The following EPHA5 variants were observed in gnomAD, a reference collection of about 807,000 sequenced individuals.
EPHA5 encodes the protein ephrin type-A receptor 5.
Under a neutral mutation model 105.0 loss-of-function variants are expected in EPHA5, and 60 were observed. The observed-to-expected ratio is 0.57, with a 90% CI of 0.46 to 0.71. The LOEUF (loss-of-function observed/expected upper bound fraction) is 0.71. EPHA5 is among the 30% of genes least tolerant of loss of function. EPHA5 has a pLI of 0.00. For missense variants in EPHA5, 1,218 were observed against 1,274.7 expected, an observed-to-expected ratio of 0.96 and a Z score of 0.68; for synonymous variants, 513 against 449.1, an observed-to-expected ratio of 1.14 and a Z score of -1.80.
At chr4:65,504,985 A>G (rs144707078) in intron 3 of EPHA5, among the ~76,000 whole-genome samples, 12 of 152,192 alleles carry the variant, frequency 7.9e-5, no homozygotes, top group Admixed American at 2.0e-4. Context: ...AATGTGAATT[A>G]GTTAAGAAAT....
intron 3 of EPHA5, among the ~76,000 whole-genome samples, chr4:65,516,534 T>G (rs1475518885): frequency 6.6e-6 from 1 of 151,892 alleles, no homozygotes; most frequent in Non-Finnish European, 1.5e-5. Flanking sequence ...TGTCCAAGGG[T>G]CAACTCTGTG....
intron 2 of EPHA5, 56 bp from the exon 3 acceptor site, chr4:65,602,360 G>A (rs543226231): frequency 2.2e-6 from 3 of 1,358,742 alleles, no homozygotes; most frequent in South Asian, 3.2e-5. Context: ...AAATAACAAG[G>A]AACTATAGCA....
intron 1 of EPHA5, among the ~76,000 whole-genome samples, chr4:65,651,606 T>A (rs1416799656): frequency 6.6e-6 from 1 of 152,212 alleles, no homozygotes; most frequent in Non-Finnish European, 1.5e-5. Context: ...TGCTTAATTG[T>A]TTACTGCAAA....
Position 65,357,776 on chromosome 4 carries a change from A to G in EPHA5, c.2174-4673T>C, listed in dbSNP as rs151205691. 2.5e-3 allele frequency among the ~76,000 whole-genome samples: 381 copies of G among 151,496 alleles called. 2 individuals carry two copies. Among genetic ancestry groups the G allele is most frequent in the African/African-American group, 8.8e-3 (364 of 41,444 alleles). Reference sequence around the variant, plus strand: ...CAACAGTGTGTGTAGGGGTAATAATACTGTATTGTACACTTGAAAAAAAAT... The same window carrying G: ...CAACAGTGTGTGTAGGGGTAATAATGCTGTATTGTACACTTGAAAAAAAAT... On this transcript the variant is annotated intron_variant, in intron 11 of 16. Transcript: ENST00000613740.
intron 3 of EPHA5, among the ~76,000 whole-genome samples, chr4:65,577,562 T>C (rs1445698432): frequency 6.6e-6 from 1 of 152,146 alleles, no homozygotes; most frequent in Admixed American, 6.5e-5. Flanking sequence ...TTCACTTACA[T>C]AATTATAATT....
intron 2 of EPHA5, among the ~76,000 whole-genome samples, chr4:65,609,609 T>C (rs978500652): frequency 8.3e-4 from 71 of 85,186 alleles, no homozygotes; most frequent in Admixed American, 3.3e-3. Flanking sequence ...GCAAGCTAGA[T>C]ATTTTTTTTT....
intron 2 of EPHA5, among the ~76,000 whole-genome samples, chr4:65,642,438 TG>T (rs1390528865): frequency 6.6e-6 from 1 of 152,104 alleles, no homozygotes; most frequent in Admixed American, 6.6e-5. Flanking sequence ...GTTTGTTTTT[TG>T]TTATTTTGCC....
chr4:65,606,879 C>T (rs1292909451), intron 2 of EPHA5, among the ~76,000 whole-genome samples: 1 of 152,054 alleles, frequency 6.6e-6, no homozygotes, highest in African/African-American at 2.4e-5. Context: ...GAATCAATTG[C>T]CTGCAGCTTT....
intron 8 of EPHA5, among the ~76,000 whole-genome samples, chr4:65,384,450 G>T (rs1382085945): frequency 6.6e-6 from 1 of 151,772 alleles, no homozygotes; most frequent in Non-Finnish European, 1.5e-5. Flanking sequence ...CTAATTTTTG[G>T]TCCCTATTTC....
intron 2 of EPHA5, among the ~76,000 whole-genome samples, chr4:65,611,905 T>C (rs1292337697): frequency 6.8e-6 from 1 of 147,306 alleles, no homozygotes; most frequent in Admixed American, 7.1e-5. Flanking sequence ...AGACATTCTA[T>C]AGAAATTGAG....
intron 2 of EPHA5, among the ~76,000 whole-genome samples, chr4:65,625,543 CT>C: frequency 6.6e-6 from 1 of 152,194 alleles, no homozygotes; most frequent in South Asian, 2.1e-4. Flanking sequence ...ATATTTCTCT[CT>C]CATTTCTCCT....
intron 7 of EPHA5, among the ~76,000 whole-genome samples, chr4:65,406,176 C>A (rs932516197): frequency 1.3e-5 from 2 of 152,130 alleles, no homozygotes; most frequent in African/African-American, 4.8e-5. Flanking sequence ...GCTTACAAGC[C>A]TAAGCAGATA....
chr4:65,591,539 C>T (rs557158605), intron 3 of EPHA5, among the ~76,000 whole-genome samples: 1 of 151,796 alleles, frequency 6.6e-6, no homozygotes, highest in Non-Finnish European at 1.5e-5. Context: ...AAGTTTCACT[C>T]ATATATTTAT....
At chr4:65,530,173 CT>C (rs959316048) in intron 3 of EPHA5, among the ~76,000 whole-genome samples, 22 of 151,988 alleles carry the variant, frequency 1.4e-4, no homozygotes, top group Admixed American at 1.3e-3. Flanking sequence ...TCAAGAACAA[CT>C]TTTATAGAAA....
In EPHA5 at chr4:65,527,459, T is replaced by C. The variant is rs990942268; in HGVS notation, c.911-31916A>G. Among the ~76,000 whole-genome samples, 4 of 152,234 alleles carry C rather than the reference T, an allele frequency of 2.6e-5. No individual in the cohort carries two copies. In the South Asian group the frequency reaches 6.2e-4, roughly 24 times the overall value. On this transcript the variant is annotated intron_variant, in intron 3 of 16. Coordinates refer to ENST00000613740, the MANE Select transcript of EPHA5 (RefSeq NM_001281766.3). The stretch of plus-strand genomic sequence containing the variant: ...CAAATACATGGAGTACAAAAAGTCA[T>C]AACTTCAGGATAATGTTTACGTTTG...
At chr4:65,575,569 T>G (rs1403891998) in intron 3 of EPHA5, among the ~76,000 whole-genome samples, 2 of 152,132 alleles carry the variant, frequency 1.3e-5, no homozygotes, top group Non-Finnish European at 2.9e-5. Flanking sequence ...ATGAAGCAAT[T>G]GAGCTTACAA....
At chr4:65,378,947 G>A (rs1347553703) in intron 8 of EPHA5, among the ~76,000 whole-genome samples, 1 of 151,758 alleles carries the variant, frequency 6.6e-6, no homozygotes, top group Non-Finnish European at 1.5e-5. Context: ...TCAAACAGCA[G>A]TTTCAACCCA....
At chr4:65,535,872 A>C (rs1280600663) in intron 3 of EPHA5, among the ~76,000 whole-genome samples, 1 of 151,970 alleles carries the variant, frequency 6.6e-6, no homozygotes, top group Non-Finnish European at 1.5e-5. Context: ...AAATAAGTCT[A>C]ATTAATATTA....
intron 3 of EPHA5, among the ~76,000 whole-genome samples, chr4:65,539,773 T>C (rs918542838): frequency 6.6e-6 from 1 of 151,634 alleles, no homozygotes; most frequent in African/African-American, 2.4e-5. Flanking sequence ...TCATTGTTAT[T>C]GCTGTTACTA....
Sources: gnomAD v4.1 joint callset for allele counts (sites outside exome capture counted in the v4.1 genomes callset) on GRCh38, gnomAD v4.1.1 for gene constraint, MANE v1.5 for transcripts, NCBI Gene and HGNC (gene_info 2026-07-23, HGNC 2026-07-21) for gene names.